The following EHMT1 variants were observed in gnomAD, a reference collection of about 807,000 sequenced individuals.
EHMT1 encodes euchromatic histone lysine methyltransferase 1, also known as histone-lysine N-methyltransferase EHMT1.
A neutral mutation model predicts 147.2 loss-of-function variants in EHMT1; 15 were observed. The ratio of observed to expected loss-of-function variants is 0.10; its 90% CI spans 0.07 to 0.16. The LOEUF (loss-of-function observed/expected upper bound fraction) is 0.16. Ranked by LOEUF, EHMT1 falls within the 10% of genes least tolerant of loss-of-function variation. The probability of loss-of-function intolerance (pLI) is 1.00; values close to 1 mark genes in which losing one functional copy is unlikely to be tolerated. For missense variants in EHMT1, 1,587 were observed against 1,772.4 expected (o/e 0.90, Z 1.88); for synonymous variants, 795 against 709.6 (o/e 1.12, Z -1.91).
intron 4 of EHMT1, among the ~76,000 whole-genome samples, chr9:137,741,695 C>T (rs1948096459): frequency 6.6e-6 from 1 of 152,212 alleles, no homozygotes; most frequent in South Asian, 2.1e-4. Flanking sequence ...TGCAACCCTG[C>T]AGTCAGCCCT....
chr9:137,682,834 G>A (rs1002531963), intron 1 of EHMT1, among the ~76,000 whole-genome samples: 1 of 152,188 alleles, frequency 6.6e-6, no homozygotes, highest in Non-Finnish European at 1.5e-5. Context: ...TCTGTTACTG[G>A]ACAGGCAGTG....
At position 137,649,125 on chromosome 9, in the gene EHMT1, T is replaced by G. The variant is rs187162640; in HGVS notation, c.21+30076T>G. On this transcript the variant is annotated intron_variant, in intron 1 of 26. Coordinates refer to ENST00000460843, the MANE Select transcript of EHMT1 (RefSeq NM_024757.5). ...CTTCAGAAATAGTGTTCTCCCAAAT[T>G]CAGATCCACCCGTGACTTCAGAAAT... Among the ~76,000 whole-genome samples, 397 of 152,190 alleles carry G rather than the reference T, an allele frequency of 2.6e-3. 3 individuals carry two copies. The highest frequency in any genetic ancestry group is 9.3e-3 in the African/African-American group (387 of 41,540).
intron 4 of EHMT1, among the ~76,000 whole-genome samples, chr9:137,742,736 G>A (rs994959718): frequency 6.6e-6 from 1 of 152,156 alleles, no homozygotes; most frequent in Non-Finnish European, 1.5e-5. Flanking sequence ...GAGCTGGACC[G>A]TAGCTCCAGG....
chr9:137,752,237 C>T lies in EHMT1; in HGVS notation c.1171-94C>T, dbSNP rs922350033. 64 of 1,445,200 alleles carry T rather than the reference C, an allele frequency of 4.4e-5. No individual in the cohort carries two copies. In the Middle Eastern group the frequency reaches 8.2e-4, roughly 19 times the overall value. The allele number at this position is 1,445,200 out of a possible 1,614,324, so 89.5% of individuals were successfully genotyped here. A position where few individuals can be genotyped will look rare whatever the true frequency, so the allele number is the denominator to read the frequency against. ...CGGCGTGTGCGGCCAGTGCCCGTTT[C>T]GAGGTTTGCTTTGGATCCGTCATCT... On this transcript the variant is annotated intron_variant, in intron 6 of 26. Coordinates refer to ENST00000460843, the MANE Select transcript of EHMT1 (RefSeq NM_024757.5).
At chr9:137,655,877 T>TC (rs1174917919) in intron 1 of EHMT1, among the ~76,000 whole-genome samples, 3 of 152,114 alleles carry the variant, frequency 2.0e-5, no homozygotes, top group Admixed American at 2.0e-4. Flanking sequence ...ATGAAATGAG[T>TC]CCCTGGTGCC....
intron 1 of EHMT1, among the ~76,000 whole-genome samples, chr9:137,639,229 TA>T (rs34563858): frequency 0.15 from 23,110 of 150,512 alleles, 2,048 homozygotes; most frequent in Admixed American, 0.3. Context: ...TTTGTTAGAT[TA>T]AAAAAAAAAT....
intron 8 of EHMT1, among the ~76,000 whole-genome samples, chr9:137,755,295 T>C (rs887541811): frequency 2.0e-5 from 3 of 152,108 alleles, no homozygotes; most frequent in Admixed American, 2.0e-4. Flanking sequence ...TGTTTCCATG[T>C]ATTGGTTAGT....
intron 18 of EHMT1, among the ~76,000 whole-genome samples, chr9:137,810,704 GT>G (rs560047331): frequency 1.3e-4 from 19 of 143,728 alleles, no homozygotes; most frequent in East Asian, 2.0e-4. Context: ...AAAATTTTTT[GT>G]TTTTTTTTTT....
chr9:137,637,972 C>G (rs954198882), intron 1 of EHMT1, among the ~76,000 whole-genome samples: 4 of 151,822 alleles, frequency 2.6e-5, no homozygotes, highest in Admixed American at 2.6e-4. Flanking sequence ...CTCGTATGTT[C>G]CCTGTGACCA....
At chr9:137,734,598 A>G (rs533294831) in intron 4 of EHMT1, among the ~76,000 whole-genome samples, 1 of 152,242 alleles carries the variant, frequency 6.6e-6, no homozygotes, top group Non-Finnish European at 1.5e-5. Context: ...ATAAACACCC[A>G]GGGAACCTGG....
At chr9:137,757,149 G>A (rs766553426) in intron 8 of EHMT1, among the ~76,000 whole-genome samples, 45 of 152,140 alleles carry the variant, frequency 3.0e-4, no homozygotes, top group Non-Finnish European at 5.1e-4. Flanking sequence ...ATCTTTCTCC[G>A]GCCCTCCTGG....
At position 137,769,995 on chromosome 9, in the gene EHMT1, C is replaced by G. The variant is rs541359285; in HGVS notation, c.1648-5114C>G. Among the ~76,000 whole-genome samples the G allele has an allele frequency of 3.3e-5, 5 of 152,224 alleles. No homozygotes were observed. In the South Asian group the frequency reaches 1.0e-3, roughly 32 times the overall value. On this transcript the variant is annotated intron_variant, in intron 10 of 26. Transcript: ENST00000460843. ...GGGACTATACACTTGCGCCACCACA[C>G]CTGGCTAATTTTTGTATTTTTAGTA...
At position 137,762,829 on chromosome 9, in the gene EHMT1, G is replaced by A. The variant is rs768199995; in HGVS notation, c.1647+9G>A. 1.2e-5 allele frequency: 20 copies of A among 1,613,988 alleles called. No individual in the cohort carries two copies. The highest frequency in any genetic ancestry group is 1.4e-5 in the Non-Finnish European group (17 of 1,180,050). ...AGAGCGTGGACCATGAAGTAAGCAC[G>A]TTTGTTTTCATTTAAAGCAGCCACG... On this transcript the variant is annotated intron_variant, in intron 10 of 26. Coordinates refer to ENST00000460843, the MANE Select transcript of EHMT1 (RefSeq NM_024757.5).
intron 14 of EHMT1, among the ~76,000 whole-genome samples, chr9:137,780,303 G>C (rs1951307675): frequency 7.0e-6 from 1 of 142,296 alleles, no homozygotes; most frequent in Admixed American, 6.9e-5. Context: ...ATGACGCTGA[G>C]ATGTGTGGTG....
In EHMT1 at chr9:137,817,524, G is replaced by A. The variant is rs1336885176; in HGVS notation, c.3460G>A (p.Glu1154Lys). ...CATCCCACCAGGCACCTTTGTCTGC[G>A]AGTGAGTGAGTCCCTGGGTCACCCC... is the stretch of plus-strand genomic sequence containing the variant. ...QDIPPGTFVCEYVGELISDSE... is the reference protein window; with the variant it reads ...QDIPPGTFVCKYVGELISDSE... The change falls in exon 24 of 27, where the codon GAG becomes AAG. Residue 1154 changes from glutamate (E) to lysine (K), a missense_variant and splice_region_variant. Physicochemically the swap from Glu to Lys is moderately conservative, Grantham distance 56 (BLOSUM62 1). Coordinates refer to ENST00000460843, the MANE Select transcript of EHMT1 (RefSeq NM_024757.5). 2 of 1,614,192 alleles carry A rather than the reference G, an allele frequency of 1.2e-6. No individual in the cohort carries two copies. Among genetic ancestry groups the A allele is most frequent in the Non-Finnish European group, 1.7e-6 (2 of 1,180,032 alleles).
At chr9:137,720,169 A>G (rs1222300287) in intron 3 of EHMT1, among the ~76,000 whole-genome samples, 1 of 150,034 alleles carries the variant, frequency 6.7e-6, no homozygotes, top group Non-Finnish European at 1.5e-5. Context: ...CGAGGTGCCG[A>G]ACCCCCTTCA....
At chr9:137,716,320 GGGGAGGAAGTTGTGGTGGTGTCATGGT>G (rs1945257384) in intron 2 of EHMT1, among the ~76,000 whole-genome samples, 1 of 69,568 alleles carries the variant, frequency 1.4e-5, no homozygotes, top group Non-Finnish European at 3.5e-5. Flanking sequence ...TGTCATGGTG[GGGGAGGAAGTTGTGGTGGTGTCATGGT>G]GGGGGAGGAA....
In EHMT1 at chr9:137,652,027, C is replaced by T. The variant is rs148174116; in HGVS notation, c.21+32978C>T. Among the ~76,000 whole-genome samples, 50 of 152,088 alleles carry T rather than the reference C, an allele frequency of 3.3e-4. 1 individual carries two copies. The East Asian group carries it at 5.0e-3, about 15-fold the overall frequency. On this transcript the variant is annotated intron_variant, in intron 1 of 26. Transcript: ENST00000460843. ...ACTATTCTGTACTATACTTTTTTAC[C>T]ATTATTGTAGAGTGTACTCCTACTT...
chr9:137,798,492 G>A (rs1953151721), intron 16 of EHMT1, among the ~76,000 whole-genome samples: 1 of 152,194 alleles, frequency 6.6e-6, no homozygotes, highest in South Asian at 2.1e-4. Context: ...CGGAGCCGTG[G>A]GGTGGGCCTG....
Sources: allele counts gnomAD v4.1 joint callset (sites outside exome capture counted in the v4.1 genomes callset), GRCh38; gene constraint gnomAD v4.1.1; transcripts MANE v1.5; gene names NCBI Gene and HGNC (gene_info 2026-07-23, HGNC 2026-07-21).